PDE4B: variants seen among roughly 807,000 people sequenced by gnomAD.
PDE4B encodes the protein phosphodiesterase 4B.
A neutral mutation model predicts 82.2 loss-of-function variants in PDE4B; 20 were observed. The observed-to-expected ratio is 0.24, with a 90% CI of 0.17 to 0.35. The LOEUF is 0.35. Ranked by LOEUF, PDE4B falls within the 10% of genes least tolerant of loss-of-function variation. The pLI, the probability that PDE4B is intolerant of heterozygous loss-of-function variation, is 1.00. For missense variants in PDE4B, 655 were observed against 907.2 expected (o/e 0.72, Z 3.57); for synonymous variants, 320 against 318.9 (o/e 1.00, Z -0.04).
chr1:65,856,866 C>T (rs1043649557), intron 1 of PDE4B, among the ~76,000 whole-genome samples: 6 of 152,168 alleles, frequency 3.9e-5, no homozygotes, highest in African/African-American at 1.4e-4. Flanking sequence ...AAAGTCTTAA[C>T]ACTGGCAGTC....
chr1:65,805,737 G>A (rs1645747703), intron 1 of PDE4B, among the ~76,000 whole-genome samples: 1 of 152,124 alleles, frequency 6.6e-6, no homozygotes, highest in South Asian at 2.1e-4. Flanking sequence ...CCTTGTGGAT[G>A]TAGAATTCTA....
At chr1:65,911,215 G>T (rs940265849) in intron 1 of PDE4B, among the ~76,000 whole-genome samples, 126 of 152,244 alleles carry the variant, frequency 8.3e-4, no homozygotes, top group African/African-American at 2.6e-3. Context: ...CTCTCTGCCT[G>T]TTGTAAGCTT....
chr1:65,830,535 T>A (rs549185252), intron 1 of PDE4B, among the ~76,000 whole-genome samples: 1 of 152,190 alleles, frequency 6.6e-6, no homozygotes, highest in African/African-American at 2.4e-5. Flanking sequence ...AGAAGCACAC[T>A]TCAACTCTGT....
intron 7 of PDE4B, among the ~76,000 whole-genome samples, chr1:66,275,923 A>AT (rs1270877834): frequency 6.6e-6 from 1 of 152,038 alleles, no homozygotes; most frequent in Non-Finnish European, 1.5e-5. Context: ...AGTTTTCTGT[A>AT]TTTTTCCTAC....
At chr1:65,911,428 T>C (rs1393530423) in intron 1 of PDE4B, among the ~76,000 whole-genome samples, 3 of 152,184 alleles carry the variant, frequency 2.0e-5, no homozygotes, top group African/African-American at 4.8e-5. Flanking sequence ...GCTCACAACT[T>C]TACAGTTATA....
At chr1:65,849,410 A>G (rs530903039) in intron 1 of PDE4B, among the ~76,000 whole-genome samples, 48 of 152,294 alleles carry the variant, frequency 3.2e-4, no homozygotes, top group Non-Finnish European at 6.5e-4. Flanking sequence ...TTTCAGGGGA[A>G]GCTGAGAACA....
chr1:65,989,040 T>C (rs182728134), intron 3 of PDE4B, among the ~76,000 whole-genome samples: 1 of 152,288 alleles, frequency 6.6e-6, no homozygotes, highest in Non-Finnish European at 1.5e-5. Context: ...TTCAATTCAA[T>C]GAAAATCAAA....
At chr1:66,273,214 C>T (rs963567267) in intron 7 of PDE4B, among the ~76,000 whole-genome samples, 3 of 152,206 alleles carry the variant, frequency 2.0e-5, no homozygotes, top group Non-Finnish European at 4.4e-5. Context: ...CTGCCACCCC[C>T]CTGCACAACT....
At chr1:66,356,290 C>T (rs1287518425) in intron 9 of PDE4B, among the ~76,000 whole-genome samples, 6 of 152,136 alleles carry the variant, frequency 3.9e-5, no homozygotes, top group Non-Finnish European at 5.9e-5. Context: ...GATTTGCTGA[C>T]CAAAAAGATT....
intron 3 of PDE4B, among the ~76,000 whole-genome samples, chr1:66,111,869 G>C (rs891657508): frequency 1.3e-5 from 2 of 151,986 alleles, no homozygotes; most frequent in Non-Finnish European, 2.9e-5. Flanking sequence ...ACAATGCCAG[G>C]GTTCACTATA....
chr1:66,260,328 C>A (rs529973104), intron 6 of PDE4B, among the ~76,000 whole-genome samples: 1 of 152,138 alleles, frequency 6.6e-6, no homozygotes, highest in Non-Finnish European at 1.5e-5. Flanking sequence ...ATTTGCCAAA[C>A]CTGTTAAGTC....
chr1:65,949,492 A>G (rs922032365), intron 3 of PDE4B, among the ~76,000 whole-genome samples: 8 of 152,102 alleles, frequency 5.3e-5, no homozygotes, highest in Admixed American at 2.0e-4. Context: ...AAGTGCCACT[A>G]TATTGCAAAA....
At chr1:66,055,277 G>T (rs555849530) in intron 3 of PDE4B, among the ~76,000 whole-genome samples, 17 of 152,298 alleles carry the variant, frequency 1.1e-4, no homozygotes, top group East Asian at 3.9e-4. Context: ...ATTGTAAAGA[G>T]CATGTTTGCG....
chr1:65,864,989 C>G (rs2100271482), intron 1 of PDE4B, among the ~76,000 whole-genome samples: 1 of 152,334 alleles, frequency 6.6e-6, no homozygotes, highest in African/African-American at 2.4e-5. Context: ...ACAACCGCCC[C>G]TTCCCCCAGG....
chr1:65,933,518 C>A (rs1647954614), intron 3 of PDE4B, among the ~76,000 whole-genome samples: 1 of 152,046 alleles, frequency 6.6e-6, no homozygotes, highest in Admixed American at 6.6e-5. Context: ...TATAGTGAAA[C>A]CCCATCTCTA....
intron 3 of PDE4B, among the ~76,000 whole-genome samples, chr1:66,197,650 A>G (rs1236511970): frequency 6.6e-6 from 1 of 152,144 alleles, no homozygotes; most frequent in African/African-American, 2.4e-5. Context: ...GGTTTCTTCA[A>G]AATCCCCAAT....
intron 7 of PDE4B, among the ~76,000 whole-genome samples, chr1:66,325,188 G>A (rs75638384): frequency 0.028 from 4,314 of 152,202 alleles, 193 homozygotes; most frequent in African/African-American, 0.099. Context: ...CAACCCAAAC[G>A]TAAGACATCT....
intron 3 of PDE4B, among the ~76,000 whole-genome samples, chr1:66,241,228 G>A (rs778018853): frequency 4.6e-5 from 7 of 152,286 alleles, no homozygotes; most frequent in South Asian, 2.1e-4. Flanking sequence ...GCCTGCCTTC[G>A]TCTAGGTCGT....
Position 65,853,599 on chromosome 1 carries a change from G to A in PDE4B, c.-70-59646G>A, listed in dbSNP as rs138381550. 9.3e-4 allele frequency among the ~76,000 whole-genome samples: 140 copies of A among 150,830 alleles called. 2 individuals carry two copies. In the East Asian group the frequency reaches 0.022, roughly 24 times the overall value. ...GGCTAGAGTCCAGTGGCACAATCTC[G>A]ACTCACTGCAACCTCCACTTCTCAG... On this transcript the variant is annotated intron_variant, in intron 1 of 16. Coordinates refer to ENST00000341517, the MANE Select transcript of PDE4B (RefSeq NM_002600.4).
Sources: gnomAD v4.1 joint callset for allele counts (sites outside exome capture counted in the v4.1 genomes callset) on GRCh38, gnomAD v4.1.1 for gene constraint, MANE v1.5 for transcripts, NCBI Gene and HGNC (gene_info 2026-07-23, HGNC 2026-07-21) for gene names.